Variants in CCDC122 observed in about 807,000 individuals in gnomAD.
The protein encoded by CCDC122 is coiled-coil domain containing 122, also known as coiled-coil domain-containing protein 122.
Under a neutral mutation model 37.0 loss-of-function variants are expected in CCDC122, and 38 were observed. The observed-to-expected ratio is 1.03, with a 90% confidence interval of 0.79 to 1.35. The LOEUF (loss-of-function observed/expected upper bound fraction) is 1.35, where lower values mean the gene tolerates loss of function less well. Among genes scored for constraint, CCDC122 ranks in the 40% most tolerant of loss-of-function variants. The probability of loss-of-function intolerance (pLI) is 0.00; values close to 1 mark genes in which losing one functional copy is unlikely to be tolerated. For missense variants in CCDC122, 305 were observed against 310.0 expected (o/e 0.98, Z 0.12); for synonymous variants, 83 against 95.6 (o/e 0.87, Z 0.77).
At chr13:43,867,217 T>C (rs1254880439) in intron 4 of CCDC122, among the ~76,000 whole-genome samples, 2 of 152,164 alleles carry the variant, frequency 1.3e-5, no homozygotes, top group African/African-American at 4.8e-5. Context: ...GCTTAAAATC[T>C]GTCAAATGCT....
intron 6 of CCDC122, among the ~76,000 whole-genome samples, chr13:43,841,445 GT>G (rs1264364249): frequency 1.3e-5 from 2 of 152,102 alleles, no homozygotes; most frequent in Non-Finnish European, 1.5e-5. Flanking sequence ...GGGTAAAAAG[GT>G]GTGAATAGTA....
At chr13:43,871,836 G>A (rs1954461873) in intron 2 of CCDC122, among the ~76,000 whole-genome samples, 1 of 151,788 alleles carries the variant, frequency 6.6e-6, no homozygotes, top group South Asian at 2.1e-4. Flanking sequence ...ACCCTCTCTA[G>A]TTTCTTTGAA....
chr13:43,845,606 G>T (rs1386874593), intron 6 of CCDC122, among the ~76,000 whole-genome samples: 1 of 152,226 alleles, frequency 6.6e-6, no homozygotes, highest in Non-Finnish European at 1.5e-5. Flanking sequence ...CAGATACTGG[G>T]GAGGCTGAGG....
downstream of CCDC122, among the ~76,000 whole-genome samples, chr13:43,835,125 C>A (rs1468931063): frequency 1.3e-5 from 2 of 152,006 alleles, no homozygotes; most frequent in Non-Finnish European, 2.9e-5. Context: ...GAATACTATG[C>A]AGCCATAAAA....
chr13:43,843,019 T>A (rs1953406988), intron 6 of CCDC122, among the ~76,000 whole-genome samples: 1 of 152,118 alleles, frequency 6.6e-6, no homozygotes, highest in Admixed American at 6.5e-5. Context: ...ATTTACTTTT[T>A]TCTTATAACA....
intron 6 of CCDC122, among the ~76,000 whole-genome samples, chr13:43,852,153 G>A (rs1448819099): frequency 6.6e-6 from 1 of 152,060 alleles, no homozygotes; most frequent in Non-Finnish European, 1.5e-5. Flanking sequence ...TTAAATGACA[G>A]AAATAGAATT....
intron 2 of CCDC122, among the ~76,000 whole-genome samples, chr13:43,873,985 A>G (rs1216836464): frequency 6.6e-6 from 1 of 152,204 alleles, no homozygotes; most frequent in African/African-American, 2.4e-5. Context: ...CTCCAAAAGC[A>G]CTATTCTGAT....
intron 6 of CCDC122, among the ~76,000 whole-genome samples, chr13:43,846,322 C>T (rs1953532202): frequency 6.6e-6 from 1 of 152,162 alleles, no homozygotes; most frequent in Non-Finnish European, 1.5e-5. Flanking sequence ...GATCCGCCCA[C>T]CTTGGACTCT....
At chr13:43,853,470 G>A (rs1057002015) in intron 6 of CCDC122, among the ~76,000 whole-genome samples, 2 of 152,114 alleles carry the variant, frequency 1.3e-5, no homozygotes, top group Admixed American at 1.3e-4. Context: ...ACCCAACACA[G>A]GAGCACCCAG....
intron 3 of CCDC122, among the ~76,000 whole-genome samples, chr13:43,828,792 T>C (rs1953063391): frequency 6.6e-6 from 1 of 152,190 alleles, no homozygotes. Flanking sequence ...TAAATAAATT[T>C]AGTTCTTTAA....
At chr13:43,840,536 C>A (rs949032896) in intron 6 of CCDC122, among the ~76,000 whole-genome samples, 3 of 152,060 alleles carry the variant, frequency 2.0e-5, no homozygotes, top group African/African-American at 7.3e-5. Context: ...CCACTACCCC[C>A]ACCCCACAAC....
At chr13:43,860,216 A>C (rs1954062536) in intron 4 of CCDC122, 146 bp from the exon 5 acceptor site, 1 of 405,740 alleles carries the variant, frequency 2.5e-6, no homozygotes, top group Non-Finnish European at 4.2e-6. Flanking sequence ...ATACAAGGAA[A>C]CATGCAATAA....
rs910589793 is a variant in CCDC122, at chr13:43,868,112, G to A, written c.156+582C>T. 8.5e-5 allele frequency among the ~76,000 whole-genome samples: 13 copies of A among 152,198 alleles called. No individual in the cohort carries two copies. In the South Asian group the frequency reaches 1.2e-3, roughly 15 times the overall value. On this transcript the variant is annotated intron_variant, in intron 4 of 6. Transcript: ENST00000444614. ...TTTTGAACTAGGCAGTTCAGCTCCT[G>A]AGCCTACTCTTCTCATTTCTATGAT...
chr13:43,841,859 C>T (rs116913064), intron 6 of CCDC122, among the ~76,000 whole-genome samples: 2,901 of 152,132 alleles, frequency 0.019, 62 homozygotes, highest in East Asian at 0.075. Flanking sequence ...CACAGGTGTG[C>T]GCCATCACAC....
chr13:43,867,520 CT>C (rs1214089139), intron 4 of CCDC122, among the ~76,000 whole-genome samples: 11 of 152,088 alleles, frequency 7.2e-5, no homozygotes, highest in Non-Finnish European at 1.5e-4. Flanking sequence ...TGTGATCACT[CT>C]TTCTCTAGTG....
chr13:43,859,648 G>C (rs746232786), intron 5 of CCDC122, 24 bp downstream of exon 5: 6 of 1,442,924 alleles, frequency 4.2e-6, no homozygotes, highest in Non-Finnish European at 4.6e-6. Context: ...AGAAAAAATA[G>C]TTTTACTAAG....
chr13:43,833,637 G>A (rs191550234), downstream of CCDC122, among the ~76,000 whole-genome samples: 16 of 152,254 alleles, frequency 1.1e-4, no homozygotes, highest in Non-Finnish European at 2.4e-4. Flanking sequence ...GAAGCTGACC[G>A]CATTGACTAA....
At chr13:43,867,861 A>C (rs551747936) in intron 4 of CCDC122, among the ~76,000 whole-genome samples, 71 of 152,144 alleles carry the variant, frequency 4.7e-4, no homozygotes, top group Non-Finnish European at 8.8e-4. Flanking sequence ...ATGATAATAC[A>C]ATTATTGTCA....
intron 4 of CCDC122, among the ~76,000 whole-genome samples, chr13:43,863,186 CA>C (rs2153876651): frequency 6.6e-6 from 1 of 152,184 alleles, no homozygotes; most frequent in East Asian, 1.9e-4. Flanking sequence ...CCTCCCTTTC[CA>C]TCTCTCCATT....
Sources: allele counts gnomAD v4.1 joint callset (sites outside exome capture counted in the v4.1 genomes callset), GRCh38; gene constraint gnomAD v4.1.1; transcripts MANE v1.5; gene names NCBI Gene and HGNC (gene_info 2026-07-23, HGNC 2026-07-21).